The following PAK5 variants were observed in gnomAD, a reference collection of about 807,000 sequenced individuals.
PAK5 encodes the protein serine/threonine-protein kinase PAK 5.
In PAK5, 16 loss-of-function variants were observed where a neutral mutation model predicts 65.9. The ratio of observed to expected loss-of-function variants is 0.24; its 90% CI spans 0.16 to 0.37. The LOEUF (loss-of-function observed/expected upper bound fraction) is 0.37. Among genes scored for constraint, PAK5 ranks in the 10% least tolerant of loss-of-function variants. PAK5 has a pLI of 1.00. For missense variants in PAK5, 785 were observed against 903.9 expected, an observed-to-expected ratio of 0.87 and a Z score of 1.69; for synonymous variants, 371 against 354.9, an observed-to-expected ratio of 1.05 and a Z score of -0.51.
intron 2 of PAK5, among the ~76,000 whole-genome samples, chr20:9,701,951 G>A (rs1283635293): frequency 6.6e-6 from 1 of 152,066 alleles, no homozygotes; most frequent in Non-Finnish European, 1.5e-5. Flanking sequence ...TGTAAGCCAT[G>A]ACTGTATCAC....
At chr20:9,625,092 C>A (rs776005110) in intron 3 of PAK5, among the ~76,000 whole-genome samples, 26 of 152,248 alleles carry the variant, frequency 1.7e-4, no homozygotes, top group Non-Finnish European at 3.5e-4. Context: ...CACCAGCCAT[C>A]TCCACTGGCA....
At chr20:9,772,456 G>A (rs138297234) in intron 1 of PAK5, among the ~76,000 whole-genome samples, 13 of 54,648 alleles carry the variant, frequency 2.4e-4, no homozygotes, top group African/African-American at 4.1e-4. Context: ...GCTAGGGGAT[G>A]TATGCCATTG....
At chr20:9,671,210 C>T (rs6086981) in intron 2 of PAK5, among the ~76,000 whole-genome samples, 120,094 of 152,140 alleles carry the variant, frequency 0.79, 47,530 homozygotes, top group East Asian at 0.96. Context: ...GGTAGCATGA[C>T]GCCTCCAGCT....
At chr20:9,625,385 C>A (rs567645273) in intron 3 of PAK5, among the ~76,000 whole-genome samples, 2 of 152,350 alleles carry the variant, frequency 1.3e-5, no homozygotes, top group South Asian at 4.1e-4. Flanking sequence ...ATATGAGCCA[C>A]TTTCTACAAC....
At chr20:9,642,050 G>A (rs970553227) in intron 3 of PAK5, among the ~76,000 whole-genome samples, 1 of 152,216 alleles carries the variant, frequency 6.6e-6, no homozygotes, top group Non-Finnish European at 1.5e-5. Flanking sequence ...GTGCAGCGGG[G>A]GGGCTGAAGG....
intron 1 of PAK5, among the ~76,000 whole-genome samples, chr20:9,773,155 AG>A (rs1476239061): frequency 1.3e-5 from 2 of 152,310 alleles, no homozygotes; most frequent in African/African-American, 4.8e-5. Context: ...CATGTCCCAA[AG>A]CTCATGCAAG....
At chr20:9,648,126 T>A (rs2047157110) in intron 2 of PAK5, among the ~76,000 whole-genome samples, 1 of 152,218 alleles carries the variant, frequency 6.6e-6, no homozygotes, top group African/African-American at 2.4e-5. Context: ...CCAGGCTTGA[T>A]GATTCATGAG....
chr20:9,542,806 C>T (rs6118642), intron 8 of PAK5, 86 bp from the exon 9 acceptor site: 1 of 1,187,590 alleles, frequency 8.4e-7, no homozygotes. Flanking sequence ...TACTCATTCA[C>T]AAGTGACTAT....
At chr20:9,627,942 A>G (rs2046869823) in intron 3 of PAK5, among the ~76,000 whole-genome samples, 1 of 152,228 alleles carries the variant, frequency 6.6e-6, no homozygotes, top group Non-Finnish European at 1.5e-5. Context: ...ATTCAAATTT[A>G]TAAGAACTCT....
intron 4 of PAK5, among the ~76,000 whole-genome samples, chr20:9,579,546 G>A (rs1031319950): frequency 2.0e-5 from 3 of 152,044 alleles, no homozygotes; most frequent in Non-Finnish European, 2.9e-5. Flanking sequence ...GTGAAAAGGG[G>A]ACAAAAATGG....
rs553381756 is a variant in PAK5, at chr20:9,771,331, T to C, written c.-161-59896A>G. Among the ~76,000 whole-genome samples the C allele has an allele frequency of 7.7e-4, 118 of 152,304 alleles. 3 individuals are homozygous for C. In the South Asian group the frequency reaches 0.024, roughly 31 times the overall value. ...AAATGGTTGAATCTTGCCAACTTCA[T>C]GTCATTCAACCTAACATACTCCAGT... On this transcript the variant is annotated intron_variant, in intron 1 of 9. Transcript: ENST00000353224.
Position 9,818,674 on chromosome 20 carries a change from C to T in PAK5, c.-162+20088G>A, listed in dbSNP as rs75052439. On this transcript the variant is annotated intron_variant, in intron 1 of 9. Coordinates refer to ENST00000353224, the MANE Select transcript of PAK5 (RefSeq NM_177990.4). ...GAATGGATGAAAATTATCATAAAGTCTATACCTGATAATATTCCACGGAAA... is the reference window on the plus strand; with the variant it reads ...GAATGGATGAAAATTATCATAAAGTTTATACCTGATAATATTCCACGGAAA... 3.1e-3 allele frequency: 468 copies of T among 152,212 alleles called. 4 individuals carry two copies. Among genetic ancestry groups the T allele is most frequent in the African/African-American group, 0.011 (440 of 41,538 alleles). The allele number at this position is 152,212 out of a possible 1,614,324, so 9.4% of individuals were successfully genotyped here. A position where few individuals can be genotyped will look rare whatever the true frequency, so the allele number is the denominator to read the frequency against.
At chr20:9,630,410 G>A (rs2046906193) in intron 3 of PAK5, among the ~76,000 whole-genome samples, 1 of 152,304 alleles carries the variant, frequency 6.6e-6, no homozygotes, top group South Asian at 2.1e-4. Flanking sequence ...GGAAGCATAT[G>A]GGCATCGTCC....
intron 1 of PAK5, among the ~76,000 whole-genome samples, chr20:9,762,400 T>C (rs1284705055): frequency 6.6e-6 from 1 of 152,136 alleles, no homozygotes; most frequent in Non-Finnish European, 1.5e-5. Flanking sequence ...TATAACAAAC[T>C]CATACAACTC....
intron 1 of PAK5, among the ~76,000 whole-genome samples, chr20:9,798,184 C>T (rs1295387085): frequency 6.6e-6 from 1 of 152,014 alleles, no homozygotes; most frequent in Non-Finnish European, 1.5e-5. Context: ...TATAGGAAGA[C>T]AATTCTTAGG....
At chr20:9,786,123 A>G in intron 1 of PAK5, among the ~76,000 whole-genome samples, 1 of 152,188 alleles carries the variant, frequency 6.6e-6, no homozygotes, top group East Asian at 1.9e-4. Flanking sequence ...TGAAGACAGC[A>G]AAAAGCAAAA....
At chr20:9,675,137 T>C (rs993941230) in intron 2 of PAK5, among the ~76,000 whole-genome samples, 3 of 152,164 alleles carry the variant, frequency 2.0e-5, no homozygotes, top group African/African-American at 4.8e-5. Context: ...AGACTGAGAA[T>C]TGCAAGGCTA....
intron 1 of PAK5, among the ~76,000 whole-genome samples, chr20:9,714,244 A>C (rs1007066692): frequency 2.6e-5 from 4 of 152,128 alleles, no homozygotes; most frequent in African/African-American, 9.6e-5. Context: ...AATTTCCCTG[A>C]AAATAATTGT....
rs182018367 is a variant in PAK5 at position 9,817,735 on chromosome 20, T to C, written c.-162+21027A>G. 4.7e-4 allele frequency among the ~76,000 whole-genome samples: 71 copies of C among 152,332 alleles called. 1 individual carries two copies. The highest frequency in any genetic ancestry group is 1.6e-3 in the African/African-American group (68 of 41,572). On this transcript the variant is annotated intron_variant, in intron 1 of 9. Transcript: ENST00000353224. ...TGACCAATTTTCACAACTAGTGGTC[T>C]GGACAGGGTCTACAATCCATGCTTG...
Sources: gnomAD v4.1 joint callset for allele counts (sites outside exome capture counted in the v4.1 genomes callset) on GRCh38, gnomAD v4.1.1 for gene constraint, MANE v1.5 for transcripts, NCBI Gene and HGNC (gene_info 2026-07-23, HGNC 2026-07-21) for gene names.